Variants in MSH4 observed in about 807,000 individuals in gnomAD.
MSH4 encodes the protein mutS homolog 4.
MSH4 carries 106 observed loss-of-function variants against 113.7 expected under a neutral mutation model. The observed-to-expected ratio is 0.93, with a 90% CI of 0.80 to 1.10. The LOEUF is 1.10. Ranked by LOEUF, MSH4 falls within the 50% of genes least tolerant of loss-of-function variation. MSH4 has a pLI of 0.00. For synonymous variants in MSH4, 368 were observed against 380.2 expected (o/e 0.97, Z 0.37); for missense variants, 1,061 against 1,093.7 (o/e 0.97, Z 0.42).
In MSH4 at chr1:75,867,568, G is replaced by T. The variant is rs1233639980; in HGVS notation, c.1285G>T (p.Glu429Ter). 2 of 1,576,520 alleles carry T rather than the reference G, an allele frequency of 1.3e-6. No individual in the cohort carries two copies. The change falls in exon 9 of 20, where the codon GAA becomes TAA. Residue 429 changes from glutamate (E) to a stop codon, truncating the protein, a stop_gained. Coordinates refer to ENST00000263187, the MANE Select transcript of MSH4 (RefSeq NM_002440.4). LOFTEE classifies it high-confidence loss of function. ...TTTAATATACTTAAAACATACCTTG[G>T]AACTTGTGGATCCTTTAAAGGTAAT... Reference protein sequence around the residue: ...TNLIYLKHTLELVDPLKIAMK... With the variant: ...TNLIYLKHTL
intron 7 of MSH4, among the ~76,000 whole-genome samples, chr1:75,826,491 G>A (rs1650557769): frequency 6.6e-6 from 1 of 151,924 alleles, no homozygotes; most frequent in African/African-American, 2.4e-5. Flanking sequence ...GTTATTTCTT[G>A]TCTTCTTCTA....
chr1:75,867,430 A>C, intron 8 of MSH4, 84 bp from the exon 9 acceptor site: 2 of 751,670 alleles, frequency 2.7e-6, no homozygotes, highest in African/African-American at 2.1e-5. Flanking sequence ...GGATATGGAA[A>C]GAGTAAGAAT....
In MSH4 at chr1:75,796,886, A is replaced by T; in HGVS notation, c.-100A>T. On this transcript the variant is annotated 5_prime_UTR_variant, in exon 1 of 20. Coordinates refer to ENST00000263187, the MANE Select transcript of MSH4 (RefSeq NM_002440.4). ...AGTGCAGCTTAGTGCGTCGGCGCGCAGTTCTCCCGCCCGTTTCAGCGGCGC... is the reference window on the plus strand; with the variant it reads ...AGTGCAGCTTAGTGCGTCGGCGCGCTGTTCTCCCGCCCGTTTCAGCGGCGC... 2 of 1,540,484 alleles carry T rather than the reference A, an allele frequency of 1.3e-6. No homozygotes were observed. Among genetic ancestry groups the T allele is most frequent in the Admixed American group, 1.8e-5 (1 of 54,980 alleles).
intron 2 of MSH4, among the ~76,000 whole-genome samples, chr1:75,806,705 T>C (rs930579175): frequency 5.9e-5 from 9 of 152,136 alleles, no homozygotes; most frequent in African/African-American, 1.9e-4. Flanking sequence ...ACCTTACTCT[T>C]CTTTAGAGGA....
chr1:75,849,622 G>A (rs1651145323), intron 8 of MSH4, among the ~76,000 whole-genome samples: 1 of 152,102 alleles, frequency 6.6e-6, no homozygotes, highest in South Asian at 2.1e-4. Flanking sequence ...AATAATTGAA[G>A]CTGCTTATAC....
chr1:75,833,582 A>G (rs1184384619), intron 7 of MSH4, among the ~76,000 whole-genome samples: 2 of 152,208 alleles, frequency 1.3e-5, no homozygotes, highest in Non-Finnish European at 2.9e-5. Context: ...TGGTACCAAA[A>G]CATATATAGA....
intron 8 of MSH4, among the ~76,000 whole-genome samples, chr1:75,863,730 A>C (rs983297292): frequency 2.0e-5 from 3 of 152,176 alleles, no homozygotes. Flanking sequence ...TGCTTGACCT[A>C]GCAGCAAAAT....
At chr1:75,820,081 G>C (rs1650377100) in intron 6 of MSH4, among the ~76,000 whole-genome samples, 1 of 142,324 alleles carries the variant, frequency 7.0e-6, no homozygotes, top group Admixed American at 7.0e-5. Flanking sequence ...TCTTGTACTT[G>C]TCATCAGAAC....
chr1:75,875,159 G>A (rs945073524), intron 9 of MSH4, among the ~76,000 whole-genome samples: 2 of 152,144 alleles, frequency 1.3e-5, no homozygotes, highest in Non-Finnish European at 1.5e-5. Context: ...CCCTCGAAGT[G>A]GTGGGATTAC....
Position 75,797,250 on chromosome 1 carries a change from G to C in MSH4, c.244+21G>C. The C allele has an allele frequency of 1.3e-6, 2 of 1,591,230 alleles. 1 individual carries two copies. Among genetic ancestry groups the C allele is most frequent in the South Asian group, 2.3e-5 (2 of 88,618 alleles). On this transcript the variant is annotated intron_variant, in intron 1 of 19. Transcript: ENST00000263187. ...TCAAGGCAAGGAGTGATTGGGTGGA[G>C]GAGTCTCCTTGAGGCTAGAGGCCGG...
At chr1:75,846,446 T>C (rs1347569535) in intron 7 of MSH4, among the ~76,000 whole-genome samples, 1 of 152,220 alleles carries the variant, frequency 6.6e-6, no homozygotes, top group African/African-American at 2.4e-5. Flanking sequence ...CTTGAATGCT[T>C]TACTGCCTAG....
chr1:75,870,922 T>C (rs1570979013), intron 9 of MSH4, among the ~76,000 whole-genome samples: 1 of 152,176 alleles, frequency 6.6e-6, no homozygotes, highest in Admixed American at 6.6e-5. Flanking sequence ...TTTTAAACTT[T>C]GGTATGTCAA....
At chr1:75,834,257 A>G (rs1248915342) in intron 7 of MSH4, among the ~76,000 whole-genome samples, 2 of 152,166 alleles carry the variant, frequency 1.3e-5, no homozygotes, top group African/African-American at 4.8e-5. Context: ...TTAGAATGGC[A>G]ATCATTAAAA....
intron 15 of MSH4, among the ~76,000 whole-genome samples, chr1:75,885,300 A>G (rs1316547023): frequency 9.8e-6 from 1 of 101,532 alleles, no homozygotes; most frequent in Non-Finnish European, 1.9e-5. Context: ...TACGTAGTAT[A>G]TATAGACTCA....
chr1:75,905,185 G>T, intron 19 of MSH4, among the ~76,000 whole-genome samples: 1 of 148,678 alleles, frequency 6.7e-6, no homozygotes. Context: ...TGTTGTAGGT[G>T]TTTATTGCTA....
chr1:75,892,002 A>G (rs1467255974), intron 17 of MSH4, among the ~76,000 whole-genome samples: 1 of 152,102 alleles, frequency 6.6e-6, no homozygotes, highest in African/African-American at 2.4e-5. Flanking sequence ...ATTGTTCTGG[A>G]TATGTCTGTG....
chr1:75,913,088 G>T lies in MSH4; in HGVS notation c.*201G>T. ...ACAAATGAGAACTACTTAAAGGAATGGTTTTTATGTTAGGAGAAAATACAA... is the reference window on the plus strand; with the variant it reads ...ACAAATGAGAACTACTTAAAGGAATTGTTTTTATGTTAGGAGAAAATACAA... On this transcript the variant is annotated 3_prime_UTR_variant, in exon 20 of 20. Transcript: ENST00000263187. 1 of 277,496 alleles carries T rather than the reference G, an allele frequency of 3.6e-6. No individual in the cohort carries two copies. The highest frequency in any genetic ancestry group is 6.6e-6 in the Non-Finnish European group (1 of 152,658). The allele number at this position is 277,496 out of a possible 1,614,324, so 17.2% of individuals were successfully genotyped here.
At chr1:75,907,716 A>G (rs1486307849) in intron 19 of MSH4, among the ~76,000 whole-genome samples, 5 of 112,168 alleles carry the variant, frequency 4.5e-5, no homozygotes, top group South Asian at 3.0e-4. Context: ...ATATATATAT[A>G]TATGTATAAA....
intron 8 of MSH4, among the ~76,000 whole-genome samples, chr1:75,851,941 C>T (rs888102043): frequency 1.3e-5 from 2 of 152,160 alleles, no homozygotes; most frequent in East Asian, 3.8e-4. Context: ...AATGCATTCA[C>T]AGAGTTGTAC....
Sources: allele counts gnomAD v4.1 joint callset (sites outside exome capture counted in the v4.1 genomes callset), GRCh38; gene constraint gnomAD v4.1.1; transcripts MANE v1.5; gene names NCBI Gene and HGNC (gene_info 2026-07-23, HGNC 2026-07-21).